The following GTF2A1L variants were observed in gnomAD, a reference collection of about 807,000 sequenced individuals.
GTF2A1L encodes general transcription factor IIA subunit 1 like.
GTF2A1L carries 48 observed loss-of-function variants against 49.7 expected under a neutral mutation model. The observed-to-expected ratio is 0.97, with a 90% confidence interval of 0.77 to 1.23. GTF2A1L has a LOEUF of 1.23. Among genes scored for constraint, GTF2A1L ranks in the 50% most tolerant of loss-of-function variants. The pLI, the probability that GTF2A1L is intolerant of heterozygous loss-of-function variation, is 0.00. For synonymous variants in GTF2A1L, 246 were observed against 193.5 expected, an observed-to-expected ratio of 1.27 and a Z score of -2.25; for missense variants, 736 against 564.8, an observed-to-expected ratio of 1.30 and a Z score of -3.07.
rs1261378069 is a variant in GTF2A1L at position 48,667,227 on chromosome 2, G to T, written c.979-2495G>T. ...GCCAGCTTCAGTGTCCCAAAGTGCT[G>T]GGATTACAGGCATGAGTGGCCATGC... On this transcript the variant is annotated intron_variant, in intron 6 of 8. Transcript: ENST00000403751. Among the ~76,000 whole-genome samples, 4 of 151,766 alleles carry T rather than the reference G, an allele frequency of 2.6e-5. No homozygotes were observed. The East Asian group carries it at 7.7e-4, about 29-fold the overall frequency.
chr2:48,640,644 G>C (rs749460992), intron 3 of GTF2A1L, among the ~76,000 whole-genome samples: 4 of 152,086 alleles, frequency 2.6e-5, no homozygotes, highest in Non-Finnish European at 5.9e-5. Flanking sequence ...TCTGTGACAC[G>C]AGTTTACCTG....
At chr2:48,674,544 T>A (rs1679361807) in intron 8 of GTF2A1L, among the ~76,000 whole-genome samples, 1 of 152,136 alleles carries the variant, frequency 6.6e-6, no homozygotes, top group South Asian at 2.1e-4. Flanking sequence ...AATATAAACA[T>A]AAGAAGGAAT....
intron 6 of GTF2A1L, among the ~76,000 whole-genome samples, chr2:48,666,699 A>T (rs1678864260): frequency 6.6e-6 from 1 of 151,158 alleles, no homozygotes; most frequent in Non-Finnish European, 1.5e-5. Flanking sequence ...TCTACTGATG[A>T]CCCCTTCACA....
At chr2:48,654,328 T>G (rs1441825681) in intron 6 of GTF2A1L, among the ~76,000 whole-genome samples, 7 of 152,306 alleles carry the variant, frequency 4.6e-5, no homozygotes, top group African/African-American at 1.4e-4. Flanking sequence ...AACTGTATAG[T>G]TATAGTTTTG....
chr2:48,678,534 A>G (rs1427206048), intron 8 of GTF2A1L, among the ~76,000 whole-genome samples: 3 of 152,062 alleles, frequency 2.0e-5, no homozygotes, highest in Non-Finnish European at 4.4e-5. Flanking sequence ...CTCAGATCAT[A>G]TATTCCTAGG....
In GTF2A1L at chr2:48,627,078, T is replaced by C. The variant is rs1200836972; in HGVS notation, c.247+5788T>C. ...TTCTGGGCTTTTCTGTGTTGGGAGGTTTTTAATTACTACCTCGATCTCTTT... is the reference window on the plus strand; with the variant it reads ...TTCTGGGCTTTTCTGTGTTGGGAGGCTTTTAATTACTACCTCGATCTCTTT... On this transcript the variant is annotated intron_variant, in intron 3 of 8. Transcript: ENST00000403751. 1.4e-5 allele frequency among the ~76,000 whole-genome samples: 2 copies of C among 141,508 alleles called. 1 individual carries two copies. Among genetic ancestry groups the C allele is most frequent in the Non-Finnish European group, 3.2e-5 (2 of 63,078 alleles). The allele number at this position is 141,508 out of a possible 152,430, so 92.8% of individuals were successfully genotyped here.
intron 6 of GTF2A1L, among the ~76,000 whole-genome samples, chr2:48,666,256 A>T (rs1383744985): frequency 6.6e-6 from 1 of 150,656 alleles, no homozygotes; most frequent in African/African-American, 2.4e-5. Flanking sequence ...CCCAGGCTGG[A>T]GTGCAGTGGC....
At chr2:48,674,227 C>G (rs919456801) in intron 8 of GTF2A1L, among the ~76,000 whole-genome samples, 11 of 152,074 alleles carry the variant, frequency 7.2e-5, no homozygotes, top group African/African-American at 2.7e-4. Context: ...TAGCAGTGTT[C>G]GAGGGTTTCA....
Position 48,656,348 on chromosome 2 carries a change from G to GTTT in GTF2A1L, c.978+9333_978+9335dup, listed in dbSNP as rs367837291. ...ATATCCCCACCAACGCTTATTTTCT[G>GTTT]TTTTTTTTTTTTTTTTTTTTTTTTT... On this transcript the variant is annotated intron_variant, in intron 6 of 8. Coordinates refer to ENST00000403751, the MANE Select transcript of GTF2A1L (RefSeq NM_006872.5). Among the ~76,000 whole-genome samples, 277 of 114,406 alleles carry GTTT rather than the reference G, an allele frequency of 2.4e-3. 10 individuals carry two copies. The highest frequency in any genetic ancestry group is 9.2e-3 in the African/African-American group (263 of 28,590). The allele number at this position is 114,406 out of a possible 152,430, so 75.1% of individuals were successfully genotyped here. A position where few individuals can be genotyped will look rare whatever the true frequency, so the allele number is the denominator to read the frequency against.
At chr2:48,642,317 T>C (rs1677242930) in intron 3 of GTF2A1L, 85 bp from the exon 4 acceptor site, 4 of 1,299,076 alleles carry the variant, frequency 3.1e-6, no homozygotes, top group South Asian at 1.9e-5. Context: ...TGATAGAAAA[T>C]ATTTTTTAAA....
intron 1 of GTF2A1L, among the ~76,000 whole-genome samples, chr2:48,620,594 A>G (rs1572689237): frequency 6.8e-6 from 1 of 147,298 alleles, no homozygotes; most frequent in East Asian, 1.9e-4. Flanking sequence ...CCTGACCATC[A>G]TGGTGAAACC....
At chr2:48,619,788 C>G (rs761414145) in intron 1 of GTF2A1L, among the ~76,000 whole-genome samples, 3 of 152,170 alleles carry the variant, frequency 2.0e-5, no homozygotes, top group African/African-American at 7.2e-5. Flanking sequence ...TTCACATACC[C>G]TCTTTTTTGT....
At chr2:48,648,219 G>A (rs1460473176) in intron 6 of GTF2A1L, among the ~76,000 whole-genome samples, 3 of 150,352 alleles carry the variant, frequency 2.0e-5, no homozygotes, top group Non-Finnish European at 1.5e-5. Context: ...ATGTTTTATT[G>A]AGGTTTTTTT....
intron 6 of GTF2A1L, among the ~76,000 whole-genome samples, chr2:48,662,574 C>T (rs894582128): frequency 9.3e-5 from 14 of 151,292 alleles, no homozygotes; most frequent in Admixed American, 3.3e-4. Flanking sequence ...GGTTTTGCAG[C>T]GGCAGAGAGA....
Position 48,634,265 on chromosome 2 carries a change from C to A in GTF2A1L, c.248-8137C>A, listed in dbSNP as rs570443032. Among the ~76,000 whole-genome samples, 7 of 152,246 alleles carry A rather than the reference C, an allele frequency of 4.6e-5. No individual in the cohort carries two copies. The South Asian group carries it at 1.5e-3, about 32-fold the overall frequency. ...TAGCTGGGATGGCAGGCGAGCATAA[C>A]CACGCCTGGCTAATTTTTGTATTTT... is the stretch of plus-strand genomic sequence containing the variant. On this transcript the variant is annotated intron_variant, in intron 3 of 8. Coordinates refer to ENST00000403751, the MANE Select transcript of GTF2A1L (RefSeq NM_006872.5).
intron 6 of GTF2A1L, among the ~76,000 whole-genome samples, chr2:48,652,317 A>G (rs1188271552): frequency 1.3e-5 from 2 of 152,094 alleles, no homozygotes; most frequent in Non-Finnish European, 2.9e-5. Context: ...ACTTGTTGCT[A>G]TTAAAATGAA....
At chr2:48,622,877 T>C (rs1320358689) in intron 3 of GTF2A1L, among the ~76,000 whole-genome samples, 1 of 151,468 alleles carries the variant, frequency 6.6e-6, no homozygotes, top group Non-Finnish European at 1.5e-5. Flanking sequence ...TAAGATTCTG[T>C]CATTCAAAAT....
chr2:48,644,578 T>A (rs1187224518), intron 4 of GTF2A1L, among the ~76,000 whole-genome samples: 4 of 152,220 alleles, frequency 2.6e-5, no homozygotes, highest in Non-Finnish European at 5.9e-5. Context: ...AAAGGTCATT[T>A]GTATTTTCAT....
Position 48,646,538 on chromosome 2 carries a change from A to G in GTF2A1L, c.474A>G (p.Val158=), listed in dbSNP as rs1572730887. The change falls in exon 6 of 9, where the codon GTA becomes GTG. Residue 158 remains valine (V), a synonymous_variant. Coordinates refer to ENST00000403751, the MANE Select transcript of GTF2A1L (RefSeq NM_006872.5). ...TTCTTCAGCATCCAATTCAGCAAGT[A>G]TTTCAACAGCTTGGCCAGCCTTCAG... is the stretch of plus-strand genomic sequence containing the variant. ...AGILQHPIQQ[V]FQQLGQPSVI... is the part of the protein sequence containing the mutation. 5.6e-6 allele frequency: 9 copies of G among 1,614,174 alleles called. 1 individual carries two copies. The highest frequency in any genetic ancestry group is 1.1e-5 in the South Asian group (1 of 91,084).
Sources: allele counts gnomAD v4.1 joint callset (sites outside exome capture counted in the v4.1 genomes callset), GRCh38; gene constraint gnomAD v4.1.1; transcripts MANE v1.5; gene names NCBI Gene and HGNC (gene_info 2026-07-23, HGNC 2026-07-21).